The following MTMR2 variants were observed in gnomAD, a reference collection of about 807,000 sequenced individuals.
MTMR2 encodes phosphatidylinositol-3,5-bisphosphate 3-phosphatase MTMR2.
A neutral mutation model predicts 86.9 loss-of-function variants in MTMR2; 55 were observed. That is an observed-to-expected ratio of 0.63 (90% confidence interval 0.51 to 0.79). The LOEUF (loss-of-function observed/expected upper bound fraction) is 0.79, where lower values mean the gene tolerates loss of function less well. MTMR2 is among the 30% of genes least tolerant of loss of function. The probability of loss-of-function intolerance (pLI) is 0.00; values close to 1 mark genes in which losing one functional copy is unlikely to be tolerated. For synonymous variants in MTMR2, 241 were observed against 266.8 expected (o/e 0.90, Z 0.94); for missense variants, 659 against 772.3 (o/e 0.85, Z 1.74).
chr11:95,922,490 A>T (rs952158697), intron 1 of MTMR2, among the ~76,000 whole-genome samples: 1 of 152,234 alleles, frequency 6.6e-6, no homozygotes, highest in Admixed American at 6.5e-5. Context: ...ACTTGATTCA[A>T]ACGTGCAATA....
chr11:95,919,980 CAATAT>C (rs576599287), intron 1 of MTMR2, among the ~76,000 whole-genome samples: 120 of 152,104 alleles, frequency 7.9e-4, no homozygotes, highest in African/African-American at 2.7e-3. Flanking sequence ...AGATTATTAC[CAATAT>C]AATGTCAAAT....
intron 1 of MTMR2, among the ~76,000 whole-genome samples, chr11:95,916,270 C>CA (rs1866699410): frequency 1.3e-5 from 2 of 152,130 alleles, no homozygotes; most frequent in African/African-American, 4.8e-5. Context: ...TAGCTCAGCA[C>CA]AAAGGCCTCA....
chr11:95,860,204 A>G (rs1035375294), intron 5 of MTMR2, among the ~76,000 whole-genome samples: 1 of 152,110 alleles, frequency 6.6e-6, no homozygotes, highest in Non-Finnish European at 1.5e-5. Context: ...CCTTCTGACT[A>G]TAATGGAAAA....
intron 1 of MTMR2, among the ~76,000 whole-genome samples, chr11:95,894,245 T>C (rs1362381428): frequency 6.6e-6 from 1 of 152,186 alleles, no homozygotes; most frequent in Admixed American, 6.5e-5. Flanking sequence ...ACTGTACATA[T>C]TTCTATCATA....
At position 95,920,817 on chromosome 11, in the gene MTMR2, G is replaced by A. The variant is rs182841621; in HGVS notation, c.80+3058C>T. Among the ~76,000 whole-genome samples, 332 of 152,086 alleles carry A rather than the reference G, an allele frequency of 2.2e-3. 1 individual carries two copies. The highest frequency in any genetic ancestry group is 3.6e-3 in the Non-Finnish European group (244 of 67,984). On this transcript the variant is annotated intron_variant, in intron 1 of 14. Transcript: ENST00000346299. ...GGGGCCTCACTATGTTGCCCAGGCT[G>A]GTCTCAAACCCCTAGGCTCAAGTGA...
chr11:95,891,709 T>C (rs1005235087), intron 1 of MTMR2, among the ~76,000 whole-genome samples: 1 of 152,222 alleles, frequency 6.6e-6, no homozygotes, highest in Non-Finnish European at 1.5e-5. Flanking sequence ...TGTATATTTC[T>C]GTATAACCAG....
chr11:95,896,322 GT>G (rs563585213), intron 1 of MTMR2, among the ~76,000 whole-genome samples: 57 of 144,566 alleles, frequency 3.9e-4, no homozygotes, highest in Admixed American at 1.8e-3. Context: ...TGTTTTTTTG[GT>G]TTTTTTTTTT....
intron 2 of MTMR2, among the ~76,000 whole-genome samples, chr11:95,877,977 CA>C (rs1565368940): frequency 6.6e-6 from 1 of 151,474 alleles, no homozygotes; most frequent in Non-Finnish European, 1.5e-5. Context: ...TGCCTAATAT[CA>C]ATAAAAACTT....
Position 95,857,618 on chromosome 11 carries a change from T to C in MTMR2, c.588A>G (p.Glu196=). The C allele has an allele frequency of 6.2e-7, 1 of 1,611,918 alleles. No individual in the cohort carries two copies. The highest frequency in any genetic ancestry group is 8.5e-7 in the Non-Finnish European group (1 of 1,178,338). ...VSNNLPLFAF[E]YKEVFPENGW... ...CATTTTCAGGGAATACTTCTTTGTA[T>C]TCAAAAGCAAAAAGAGGCTACAAAA... Residue 196 remains glutamate, a synonymous_variant, in exon 7 of 15, where the codon GAA becomes GAG. Transcript: ENST00000346299.
chr11:95,852,961 G>A (rs545028541), intron 7 of MTMR2, among the ~76,000 whole-genome samples: 2 of 151,914 alleles, frequency 1.3e-5, no homozygotes, highest in African/African-American at 2.4e-5. Flanking sequence ...CTTGAACCCA[G>A]GAGGTGAAGG....
rs192563396 is a variant in MTMR2, at chr11:95,842,961, C to T, written c.1387-1252G>A. On this transcript the variant is annotated intron_variant, in intron 11 of 14. Transcript: ENST00000346299. ...TTTTTTAATGGCCTGTGTGACAAAA[C>T]GGGAAATATGTGTTAACTCTTTGCT... Among the ~76,000 whole-genome samples, 246 of 151,956 alleles carry T rather than the reference C, an allele frequency of 1.6e-3. 1 individual carries two copies. The highest frequency in any genetic ancestry group is 5.6e-3 in the African/African-American group (231 of 41,418).
chr11:95,847,763 G>T lies in MTMR2; in HGVS notation c.1130C>A (p.Thr377Asn). 1 of 1,613,546 alleles carries T rather than the reference G, an allele frequency of 6.2e-7. No individual in the cohort carries two copies. Among genetic ancestry groups the T allele is most frequent in the Non-Finnish European group, 8.5e-7 (1 of 1,179,564 alleles). The change falls in exon 10 of 15, where the codon ACC becomes AAC. Residue 377 changes from threonine (T) to asparagine (N), a missense_variant. Physicochemically the swap from Thr to Asn is moderately conservative, Grantham distance 65. This residue lies in a region of MTMR2 where 387 missense variants were observed against 526.3 expected (regional missense o/e 0.74). Coordinates refer to ENST00000346299, the MANE Select transcript of MTMR2 (RefSeq NM_016156.6). ...KEIVYPNIEETHWLSNLESTH... is the reference protein window; with the variant it reads ...KEIVYPNIEENHWLSNLESTH... The stretch of plus-strand genomic sequence containing the variant: ...AGATTCCAAGTTAGACAACCAGTGG[G>T]TTTCCTCAATGTTGGGGTACACAAT...
Position 95,836,888 on chromosome 11 carries a change from G to A in MTMR2, c.1594-564C>T, listed in dbSNP as rs1194301241. Among the ~76,000 whole-genome samples the A allele has an allele frequency of 2.0e-5, 3 of 151,950 alleles. No homozygotes were observed. In the East Asian group the frequency reaches 5.8e-4, roughly 29 times the overall value. ...GGGAGTGACTATTAACAGGTTTTCT[G>A]AGGTGATGAAATGTTCTGAAATGAA... On this transcript the variant is annotated intron_variant, in intron 13 of 14. Transcript: ENST00000346299.
chr11:95,846,856 C>G (rs764238327), intron 10 of MTMR2, among the ~76,000 whole-genome samples: 1 of 152,160 alleles, frequency 6.6e-6, no homozygotes, highest in Non-Finnish European at 1.5e-5. Context: ...TTCTAAGCTT[C>G]TCAAAGGGAA....
Position 95,857,654 on chromosome 11 carries a change from T to C in MTMR2, c.571-19A>G, listed in dbSNP as rs957561752. Reference sequence around the variant, plus strand: ...AAAGAGGCTACAAAAAAGTAAACAATGGTAAGAGCTAAAAAAGATATTCAC... The same window carrying C: ...AAAGAGGCTACAAAAAAGTAAACAACGGTAAGAGCTAAAAAAGATATTCAC... On this transcript the variant is annotated intron_variant, in intron 6 of 14. Transcript: ENST00000346299. The C allele has an allele frequency of 4.1e-6, 6 of 1,468,080 alleles. No individual in the cohort carries two copies. The highest frequency in any genetic ancestry group is 3.4e-5 in the South Asian group (3 of 88,270). 90.9% of individuals were successfully genotyped at this position (1,468,080 alleles called of 1,614,324 possible).
At chr11:95,906,338 A>T (rs1223428119) in intron 1 of MTMR2, among the ~76,000 whole-genome samples, 1 of 152,194 alleles carries the variant, frequency 6.6e-6, no homozygotes, top group Admixed American at 6.5e-5. Context: ...CAATTCAACA[A>T]GAAGACTCAA....
intron 1 of MTMR2, among the ~76,000 whole-genome samples, chr11:95,894,519 G>C (rs1865816240): frequency 6.6e-6 from 1 of 152,052 alleles, no homozygotes; most frequent in African/African-American, 2.4e-5. Context: ...AAGTTCGAAG[G>C]CAAGAACTAT....
rs575863513 is a variant in MTMR2, at chr11:95,917,305, G to C, written c.80+6570C>G. On this transcript the variant is annotated intron_variant, in intron 1 of 14. Coordinates refer to ENST00000346299, the MANE Select transcript of MTMR2 (RefSeq NM_016156.6). ...ATTTCCATTACTCAAATCCTGAATC[G>C]CACGCAATCTTTGGCTCTGATGATT... Among the ~76,000 whole-genome samples, 18 of 152,172 alleles carry C rather than the reference G, an allele frequency of 1.2e-4. 1 individual carries two copies. The South Asian group carries it at 3.3e-3, about 28-fold the overall frequency.
intron 7 of MTMR2, among the ~76,000 whole-genome samples, chr11:95,852,402 T>C (rs1234456275): frequency 1.3e-5 from 2 of 152,226 alleles, no homozygotes; most frequent in African/African-American, 4.8e-5. Context: ...GAATGTACTC[T>C]CCTTTAAAGA....
Sources: gnomAD v4.1 joint callset for allele counts (sites outside exome capture counted in the v4.1 genomes callset) on GRCh38, gnomAD v4.1.1 for gene constraint, gnomAD v4.1.1 regional missense constraint, MANE v1.5 for transcripts, NCBI Gene and HGNC (gene_info 2026-07-23, HGNC 2026-07-21) for gene names.